The following RIMS3 variants were observed in gnomAD, a reference collection of about 807,000 sequenced individuals.
The protein encoded by RIMS3 is regulating synaptic membrane exocytosis 3.
A neutral mutation model predicts 29.2 loss-of-function variants in RIMS3; 15 were observed. The ratio of observed to expected loss-of-function variants is 0.51; its 90% CI spans 0.34 to 0.79. The LOEUF is 0.79. RIMS3 is among the 30% of genes least tolerant of loss of function. The pLI is 0.01. For missense variants in RIMS3, 342 were observed against 421.4 expected (o/e 0.81, Z 1.65); for synonymous variants, 161 against 170.1 (o/e 0.95, Z 0.41).
upstream of RIMS3, among the ~76,000 whole-genome samples, chr1:40,670,491 A>T (rs1335323930): frequency 2.7e-5 from 4 of 149,970 alleles, no homozygotes; most frequent in Admixed American, 2.7e-4. Flanking sequence ...ATTTAGAGTT[A>T]TGAGGATTAA....
chr1:40,640,900 G>T (rs543306685), intron 3 of RIMS3, among the ~76,000 whole-genome samples: 4 of 152,334 alleles, frequency 2.6e-5, no homozygotes, highest in Admixed American at 6.5e-5. Context: ...GGCTGTGTCT[G>T]TGTGGTTTGC....
the RIMS3 span, among the ~76,000 whole-genome samples, chr1:40,686,560 G>A: frequency 5.9e-5 from 9 of 152,098 alleles, no homozygotes; most frequent in African/African-American, 1.9e-4. Flanking sequence ...GGGAGGCTGC[G>A]GCAGGAGAAT....
At chr1:40,644,078 T>C (rs1392843607) in intron 2 of RIMS3, among the ~76,000 whole-genome samples, 1 of 152,102 alleles carries the variant, frequency 6.6e-6, no homozygotes, top group Non-Finnish European at 1.5e-5. Context: ...CTCTCTCTCT[T>C]TCTCTCTCTG....
At chr1:40,640,390 T>C (rs1003255385) in intron 3 of RIMS3, among the ~76,000 whole-genome samples, 1 of 152,060 alleles carries the variant, frequency 6.6e-6, no homozygotes, top group Non-Finnish European at 1.5e-5. Context: ...ACATCACAGC[T>C]TGATTGCTGG....
chr1:40,633,753 G>A (rs1646503981), intron 4 of RIMS3, among the ~76,000 whole-genome samples: 1 of 152,222 alleles, frequency 6.6e-6, no homozygotes, highest in Non-Finnish European at 1.5e-5. Flanking sequence ...AAAGCTGACA[G>A]TGATTGACAA....
intron 5 of RIMS3, among the ~76,000 whole-genome samples, chr1:40,629,912 T>C (rs769608698): frequency 7.9e-5 from 12 of 151,584 alleles, no homozygotes; most frequent in Non-Finnish European, 7.4e-5. Flanking sequence ...CCATCTCTAC[T>C]AAAAATACAA....
At position 40,627,749 on chromosome 1, in the gene RIMS3, G is replaced by A. The variant is rs563411697; in HGVS notation, c.715-1020C>T. Among the ~76,000 whole-genome samples the A allele has an allele frequency of 1.4e-3, 212 of 149,826 alleles. 1 individual carries two copies. The highest frequency in any genetic ancestry group is 2.2e-3 in the Non-Finnish European group (146 of 67,596). ...CTCGAGTAGCTGGGATTACTGGCAC[G>A]TGCCACCATGACCAGATAATTTTTT... On this transcript the variant is annotated intron_variant, in intron 7 of 7. Coordinates refer to ENST00000372684, the MANE Select transcript of RIMS3 (RefSeq NM_014747.3).
chr1:40,626,787 G>T, intron 7 of RIMS3, 58 bp from the exon 8 acceptor site: 1 of 1,519,422 alleles, frequency 6.6e-7, no homozygotes, highest in Non-Finnish European at 9.1e-7. Context: ...GGACTGTGCA[G>T]CAGGCCTAGG....
At chr1:40,684,820 T>C in the RIMS3 span, among the ~76,000 whole-genome samples, 1 of 152,198 alleles carries the variant, frequency 6.6e-6, no homozygotes, top group South Asian at 2.1e-4. Flanking sequence ...GTTTGCTCTG[T>C]GGGTAGCTAA....
intron 3 of RIMS3, among the ~76,000 whole-genome samples, chr1:40,637,488 TC>T (rs1192912955): frequency 3.8e-5 from 2 of 53,294 alleles, no homozygotes; most frequent in Admixed American, 3.1e-4. Flanking sequence ...TGTCAGTCTG[TC>T]TCTCTCATAC....
chr1:40,687,104 A>G, the RIMS3 span, among the ~76,000 whole-genome samples: 1 of 152,154 alleles, frequency 6.6e-6, no homozygotes, highest in Non-Finnish European at 1.5e-5. Flanking sequence ...ACTCCAACAG[A>G]TATTTGTATA....
intron 1 of RIMS3, among the ~76,000 whole-genome samples, chr1:40,660,234 T>A (rs1446436291): frequency 6.6e-6 from 1 of 152,058 alleles, no homozygotes; most frequent in Non-Finnish European, 1.5e-5. Flanking sequence ...AGGACGGCGA[T>A]GCCAGAGATG....
the RIMS3 span, among the ~76,000 whole-genome samples, chr1:40,684,159 C>T: frequency 6.6e-6 from 1 of 152,140 alleles, no homozygotes; most frequent in Non-Finnish European, 1.5e-5. Context: ...AATTGGTTAC[C>T]ATGTTTTATA....
intron 1 of RIMS3, among the ~76,000 whole-genome samples, chr1:40,663,006 A>G (rs1421731590): frequency 6.6e-6 from 1 of 152,152 alleles, no homozygotes; most frequent in African/African-American, 2.4e-5. Flanking sequence ...ACCAGAGAGC[A>G]CTTGTTTCTA....
chr1:40,662,141 T>A (rs1338746989), intron 1 of RIMS3, among the ~76,000 whole-genome samples: 1 of 152,196 alleles, frequency 6.6e-6, no homozygotes, highest in Non-Finnish European at 1.5e-5. Flanking sequence ...GGGGTTGCCA[T>A]TGGCCTGAGG....
chr1:40,684,282 C>T, the RIMS3 span, among the ~76,000 whole-genome samples: 1 of 152,220 alleles, frequency 6.6e-6, no homozygotes, highest in Admixed American at 6.5e-5. Flanking sequence ...CTCTGTCTCC[C>T]TCTCTGTCTG....
chr1:40,673,974 C>T, the RIMS3 span, among the ~76,000 whole-genome samples: 2 of 152,062 alleles, frequency 1.3e-5, no homozygotes, highest in South Asian at 2.1e-4. Flanking sequence ...CAGTCAGATA[C>T]ATGATATAAT....
At chr1:40,632,216 T>C (rs1046645867) in intron 5 of RIMS3, among the ~76,000 whole-genome samples, 7 of 152,046 alleles carry the variant, frequency 4.6e-5, no homozygotes, top group African/African-American at 1.7e-4. Flanking sequence ...CTCTAGATTA[T>C]ACTGGTGTGC....
In RIMS3 at chr1:40,655,883, C is replaced by T. The variant is rs535157406; in HGVS notation, c.-206-8041G>A. Among the ~76,000 whole-genome samples, 10 of 152,272 alleles carry T rather than the reference C, an allele frequency of 6.6e-5. No homozygotes were observed. The South Asian group carries it at 1.0e-3, about 16-fold the overall frequency. ...CAAAAATTAGCCGGGCATGGTGGCACGCACCTGTAATCCCAGCTACTTGGG... is the reference window on the plus strand; with the variant it reads ...CAAAAATTAGCCGGGCATGGTGGCATGCACCTGTAATCCCAGCTACTTGGG... On this transcript the variant is annotated intron_variant, in intron 1 of 7. Coordinates refer to ENST00000372684, the MANE Select transcript of RIMS3 (RefSeq NM_014747.3).
Sources: allele counts gnomAD v4.1 joint callset (sites outside exome capture counted in the v4.1 genomes callset), GRCh38; gene constraint gnomAD v4.1.1; transcripts MANE v1.5; gene names NCBI Gene and HGNC (gene_info 2026-07-23, HGNC 2026-07-21).